Variants in GALR1 observed in about 807,000 individuals in gnomAD.
GALR1 encodes galanin receptor type 1.
Under a neutral mutation model 17.9 loss-of-function variants are expected in GALR1, and 11 were observed. The observed-to-expected ratio is 0.62, with a 90% CI of 0.39 to 1.02. The LOEUF (loss-of-function observed/expected upper bound fraction) is 1.02. GALR1 is among the 50% of genes least tolerant of loss of function. The probability of loss-of-function intolerance (pLI) is 0.01; values close to 1 mark genes in which losing one functional copy is unlikely to be tolerated. For synonymous variants in GALR1, 206 were observed against 205.7 expected, an observed-to-expected ratio of 1.00 and a Z score of -0.01; for missense variants, 441 against 456.9, an observed-to-expected ratio of 0.97 and a Z score of 0.32.
intron 2 of GALR1, among the ~76,000 whole-genome samples, chr18:77,259,486 GTGA>G (rs1465130556): frequency 6.7e-6 from 1 of 149,504 alleles, no homozygotes; most frequent in African/African-American, 2.5e-5. Flanking sequence ...GATTGTGATG[GTGA>G]TGGTGGTGGT....
At chr18:77,252,622 T>C (rs1352568562) in intron 1 of GALR1, among the ~76,000 whole-genome samples, 1 of 151,934 alleles carries the variant, frequency 6.6e-6, no homozygotes, top group Non-Finnish European at 1.5e-5. Flanking sequence ...CCGAGGTGGG[T>C]GGATCACCTG....
At position 77,268,589 on chromosome 18, in the gene GALR1, C is replaced by G; in HGVS notation, c.737C>G (p.Ala246Gly). Residue 246 changes from alanine (A) to glycine (G), a missense_variant, in exon 3 of 3, where the codon GCA (alanine) becomes GGA (glycine). By Grantham distance (60) the Ala-to-Gly change is moderately conservative. Coordinates refer to ENST00000299727, the MANE Select transcript of GALR1 (RefSeq NM_001480.4). ...CCTCCTCTTCTTCTTTTCTAGACTGCACAGACAGTTCTGGTGGTGGTTGTG... is the reference window on the plus strand; with the variant it reads ...CCTCCTCTTCTTCTTTTCTAGACTGGACAGACAGTTCTGGTGGTGGTTGTG... Reference protein sequence around the residue: ...KKSEASKKKTAQTVLVVVVVF... With the variant: ...KKSEASKKKTGQTVLVVVVVF... The G allele has an allele frequency of 6.2e-7, 1 of 1,613,018 alleles. No homozygotes were observed. The highest frequency in any genetic ancestry group is 8.5e-7 in the Non-Finnish European group (1 of 1,179,314).
At chr18:77,258,938 G>C (rs1417877076) in intron 2 of GALR1, among the ~76,000 whole-genome samples, 735 of 139,526 alleles carry the variant, frequency 5.3e-3, no homozygotes, top group Non-Finnish European at 8.9e-3. Flanking sequence ...TCATGGTGGT[G>C]ATGATGGTGG....
chr18:77,250,425 A>C lies in GALR1; in HGVS notation c.-124A>C. On this transcript the variant is annotated 5_prime_UTR_variant, in exon 1 of 3. Coordinates refer to ENST00000299727, the MANE Select transcript of GALR1 (RefSeq NM_001480.4). ...TCCCGCTGGCTCGCGCCTCGGGGGA[A>C]GCTCAGACTCCTAAACTCGCACTCT... The C allele has an allele frequency of 1.8e-5, 18 of 993,568 alleles. No homozygotes were observed. The highest frequency in any genetic ancestry group is 2.2e-5 in the Non-Finnish European group (16 of 731,908). The allele number at this position is 993,568 out of a possible 1,614,324, so 61.5% of individuals were successfully genotyped here. A position where few individuals can be genotyped will look rare whatever the true frequency, so the allele number is the denominator to read the frequency against.
chr18:77,258,852 TGA>T, intron 2 of GALR1, among the ~76,000 whole-genome samples: 1 of 105,652 alleles, frequency 9.5e-6, no homozygotes, highest in South Asian at 3.2e-4. Flanking sequence ...ATGGTGGTGG[TGA>T]TGGTGGTGGT....
chr18:77,256,260 C>A, intron 2 of GALR1, 37 bp downstream of exon 2: 1 of 1,170,170 alleles, frequency 8.5e-7, no homozygotes, highest in Non-Finnish European at 1.3e-6. Context: ...TGTTACTTTT[C>A]AGAGCTTAGT....
rs1223819384 is a variant in GALR1 at position 77,269,407 on chromosome 18, T to C, written c.*505T>C. Reference sequence around the variant, plus strand: ...TTTTGGCCATTTACATAGACATATCTATTAAGTGGAAAGAAGGCTTTCTGA... The same window carrying C: ...TTTTGGCCATTTACATAGACATATCCATTAAGTGGAAAGAAGGCTTTCTGA... On this transcript the variant is annotated 3_prime_UTR_variant, in exon 3 of 3. Transcript: ENST00000299727. The C allele has an allele frequency of 6.5e-6, 1 of 153,056 alleles. No homozygotes were observed. The highest frequency in any genetic ancestry group is 1.5e-5 in the Non-Finnish European group (1 of 68,720). The allele number at this position is 153,056 out of a possible 1,614,324, so 9.5% of individuals were successfully genotyped here.
rs192837117 is a variant in GALR1, at chr18:77,270,367, T to A, written c.*1465T>A. ...CGGTCTCTACTAAAAATACAAAAAT[T>A]AGCTGGGTGTGGTGGCGCACGCCTG... is the stretch of plus-strand genomic sequence containing the variant. On this transcript the variant is annotated 3_prime_UTR_variant, in exon 3 of 3. Transcript: ENST00000299727. The A allele has an allele frequency of 7.9e-5, 12 of 152,330 alleles. No homozygotes were observed. The East Asian group carries it at 2.3e-3, about 29-fold the overall frequency. 9.4% of individuals were successfully genotyped at this position (152,330 alleles called of 1,614,324 possible). A position where few individuals can be genotyped will look rare whatever the true frequency, so the allele number is the denominator to read the frequency against.
chr18:77,258,647 GGTCATAGTGGTGGTGGTGGTGGTC>G (rs1912669000), intron 2 of GALR1, among the ~76,000 whole-genome samples: 1 of 142,750 alleles, frequency 7.0e-6, no homozygotes, highest in African/African-American at 2.5e-5. Flanking sequence ...TGGTGGTGGT[GGTCATAGTGGTGGTGGTGGTGGTC>G]ATGGTGGTGA....
intron 2 of GALR1, among the ~76,000 whole-genome samples, chr18:77,257,589 T>G (rs1485976477): frequency 6.6e-6 from 1 of 152,258 alleles, no homozygotes; most frequent in Admixed American, 6.5e-5. Flanking sequence ...GTATATCTAT[T>G]GATTTTTCCT....
intron 2 of GALR1, among the ~76,000 whole-genome samples, chr18:77,267,120 C>T (rs1453539840): frequency 6.6e-6 from 1 of 152,218 alleles, no homozygotes; most frequent in Non-Finnish European, 1.5e-5. Context: ...GAACAGAAAG[C>T]TGAAGCCATC....
At position 77,268,909 on chromosome 18, in the gene GALR1, A is replaced by T; in HGVS notation, c.*7A>T. On this transcript the variant is annotated 3_prime_UTR_variant, in exon 3 of 3. Transcript: ENST00000299727. ...CAATTGTACTCATGTGTGATAAAAGATAGAGTATCCTTATGGTTGAGTTTC... is the reference window on the plus strand; with the variant it reads ...CAATTGTACTCATGTGTGATAAAAGTTAGAGTATCCTTATGGTTGAGTTTC... 6.3e-7 allele frequency: 1 copy of T among 1,599,130 alleles called. No individual in the cohort carries two copies. Among genetic ancestry groups the T allele is most frequent in the Non-Finnish European group, 8.6e-7 (1 of 1,167,642 alleles).
chr18:77,269,853 C>T lies in GALR1; in HGVS notation c.*951C>T, dbSNP rs970768786. On this transcript the variant is annotated 3_prime_UTR_variant, in exon 3 of 3. Coordinates refer to ENST00000299727, the MANE Select transcript of GALR1 (RefSeq NM_001480.4). ...TAAGTCACATGAAGTAATGGTCATG[C>T]CTGTACATAAAGCATATTTCATGTT... The T allele has an allele frequency of 6.6e-6, 1 of 152,078 alleles. No individual in the cohort carries two copies. The highest frequency in any genetic ancestry group is 2.4e-5 in the African/African-American group (1 of 41,404). The allele number at this position is 152,078 out of a possible 1,614,324, so 9.4% of individuals were successfully genotyped here.
chr18:77,258,827 CTGGTG>C (rs1912695056), intron 2 of GALR1, among the ~76,000 whole-genome samples: 4 of 20,464 alleles, frequency 2.0e-4, no homozygotes, highest in East Asian at 1.8e-3. Context: ...GGTGGTGGTG[CTGGTG>C]ATGGTGGTGA....
chr18:77,258,636 A>ATGG (rs747491216), intron 2 of GALR1, among the ~76,000 whole-genome samples: 5 of 85,020 alleles, frequency 5.9e-5, no homozygotes, highest in Non-Finnish European at 1.1e-4. Context: ...GATGGTGGTG[A>ATGG]TGGTGGTGGT....
chr18:77,257,958 C>A lies in GALR1; in HGVS notation c.732+1735C>A, dbSNP rs1180425326. Among the ~76,000 whole-genome samples the A allele has an allele frequency of 2.0e-5, 3 of 152,236 alleles. No homozygotes were observed. The East Asian group carries it at 5.8e-4, about 29-fold the overall frequency. ...TTTATGCTTACCAAAAGAAATAAAA[C>A]CAAACATTTATTTAACATTTGCTGA... is the stretch of plus-strand genomic sequence containing the variant. On this transcript the variant is annotated intron_variant, in intron 2 of 2. Transcript: ENST00000299727.
intron 2 of GALR1, among the ~76,000 whole-genome samples, chr18:77,266,283 G>C (rs753119856): frequency 6.6e-6 from 1 of 152,142 alleles, no homozygotes; most frequent in African/African-American, 2.4e-5. Flanking sequence ...CCTTAGCCTG[G>C]ACTTCATTGT....
chr18:77,252,260 A>C (rs538418345), intron 1 of GALR1, among the ~76,000 whole-genome samples: 1 of 151,792 alleles, frequency 6.6e-6, no homozygotes, highest in East Asian at 1.9e-4. Flanking sequence ...GGTGATGGCG[A>C]TTCACCGGGT....
intron 1 of GALR1, among the ~76,000 whole-genome samples, chr18:77,252,881 T>TCACCACCACCAC (rs1568138972): frequency 2.0e-4 from 11 of 55,296 alleles, no homozygotes; most frequent in Admixed American, 4.1e-4. Context: ...ACCACCACCA[T>TCACCACCACCAC]CACCACCACC....
Sources: allele counts gnomAD v4.1 joint callset (sites outside exome capture counted in the v4.1 genomes callset), GRCh38; gene constraint gnomAD v4.1.1; transcripts MANE v1.5; gene names NCBI Gene and HGNC (gene_info 2026-07-23, HGNC 2026-07-21).